LPP: variants seen among roughly 807,000 people sequenced by gnomAD.
The protein encoded by LPP is lipoma-preferred partner.
A neutral mutation model predicts 60.4 loss-of-function variants in LPP; 38 were observed. The observed-to-expected ratio is 0.63, with a 90% CI of 0.49 to 0.83. LPP has a LOEUF of 0.83. Among genes scored for constraint, LPP ranks in the 40% least tolerant of loss-of-function variants. LPP has a pLI of 0.00. For missense variants in LPP, 902 were observed against 783.6 expected, an observed-to-expected ratio of 1.15 and a Z score of -1.80; for synonymous variants, 328 against 290.8, an observed-to-expected ratio of 1.13 and a Z score of -1.30.
intron 5 of LPP, among the ~76,000 whole-genome samples, chr3:188,522,807 A>ATGTG (rs1819286674): frequency 7.5e-6 from 1 of 133,260 alleles, no homozygotes; most frequent in Admixed American, 7.5e-5. Context: ...ATATATATAT[A>ATGTG]TATATATATG....
At chr3:188,197,053 A>T (rs1460701099) in intron 1 of LPP, among the ~76,000 whole-genome samples, 1 of 152,260 alleles carries the variant, frequency 6.6e-6, no homozygotes, top group Non-Finnish European at 1.5e-5. Flanking sequence ...CAAATCAAAA[A>T]TAGGTGTGCA....
At chr3:188,402,335 T>C (rs1782446716) in intron 3 of LPP, among the ~76,000 whole-genome samples, 1 of 152,216 alleles carries the variant, frequency 6.6e-6, no homozygotes, top group South Asian at 2.1e-4. Flanking sequence ...AATTCATTAA[T>C]ATATCAAAAC....
intron 9 of LPP, among the ~76,000 whole-genome samples, chr3:188,776,600 T>C (rs903759024): frequency 6.6e-6 from 1 of 152,196 alleles, no homozygotes; most frequent in Non-Finnish European, 1.5e-5. Flanking sequence ...CAAAATTCCT[T>C]TGTTTTGAAG....
At chr3:188,542,008 A>T (rs1396389148) in intron 6 of LPP, among the ~76,000 whole-genome samples, 1 of 152,174 alleles carries the variant, frequency 6.6e-6, no homozygotes, top group Non-Finnish European at 1.5e-5. Context: ...AACTAATAAA[A>T]ATTTGCATTA....
intron 8 of LPP, among the ~76,000 whole-genome samples, chr3:188,720,562 T>C (rs1216335001): frequency 6.7e-6 from 1 of 149,364 alleles, no homozygotes; most frequent in African/African-American, 2.5e-5. Flanking sequence ...CACCAAAAAT[T>C]GTAAAATACT....
intron 9 of LPP, among the ~76,000 whole-genome samples, chr3:188,781,353 G>C (rs1193190796): frequency 6.6e-6 from 1 of 152,148 alleles, no homozygotes; most frequent in Non-Finnish European, 1.5e-5. Context: ...ACTGGGAGTG[G>C]AGAAAATGAC....
intron 3 of LPP, among the ~76,000 whole-genome samples, chr3:188,346,249 A>ATTTTTTTTTT (rs1764321005): frequency 1.6e-5 from 2 of 124,228 alleles, no homozygotes; most frequent in African/African-American, 7.2e-5. Flanking sequence ...AAAGTAGCAA[A>ATTTTTTTTTT]TCTTTTTTTT....
intron 7 of LPP, among the ~76,000 whole-genome samples, chr3:188,668,778 T>G (rs66537382): frequency 0.011 from 1,609 of 152,302 alleles, 19 homozygotes; most frequent in Non-Finnish European, 0.018. Context: ...AAGTAAAAAA[T>G]ATCAGGAGCA....
Position 188,799,697 on chromosome 3 carries a change from C to T in LPP, c.1410+39415C>T, listed in dbSNP as rs143081615. Reference sequence around the variant, plus strand: ...TTATAGTCTTTATCACAAAAAGGTACGTAAGTGGGGTTCAGAATAGTGTCT... The same window carrying T: ...TTATAGTCTTTATCACAAAAAGGTATGTAAGTGGGGTTCAGAATAGTGTCT... On this transcript the variant is annotated intron_variant, in intron 9 of 11. Coordinates refer to ENST00000617246, the MANE Select transcript of LPP (RefSeq NM_001375462.1). Among the ~76,000 whole-genome samples, 149 of 152,210 alleles carry T rather than the reference C, an allele frequency of 9.8e-4. 1 individual carries two copies. The highest frequency in any genetic ancestry group is 8.2e-3 in the Admixed American group (125 of 15,274).
At chr3:188,523,979 T>C (rs1364266391) in intron 5 of LPP, among the ~76,000 whole-genome samples, 1 of 152,224 alleles carries the variant, frequency 6.6e-6, no homozygotes, top group African/African-American at 2.4e-5. Flanking sequence ...GTTGTTGTCC[T>C]CTACTCTCCT....
chr3:188,166,145 C>A (rs1189429512), intron 1 of LPP, among the ~76,000 whole-genome samples: 4 of 152,058 alleles, frequency 2.6e-5, no homozygotes, highest in Admixed American at 2.6e-4. Context: ...TCTTTAAGAC[C>A]TATCAACCCT....
rs575618440 is a variant in LPP, at chr3:188,563,730, T to C, written c.429+38943T>C. On this transcript the variant is annotated intron_variant, in intron 6 of 11. Transcript: ENST00000617246. ...TGGAATTGCTTGTGTTTTTTTTTGTTTTTTTTTTGTTTTTTTGAGATTATC... is the reference window on the plus strand; with the variant it reads ...TGGAATTGCTTGTGTTTTTTTTTGTCTTTTTTTTGTTTTTTTGAGATTATC... Among the ~76,000 whole-genome samples, 464 of 149,672 alleles carry C rather than the reference T, an allele frequency of 3.1e-3. 1 individual carries two copies. The highest frequency in any genetic ancestry group is 5.3e-3 in the Non-Finnish European group (358 of 67,414).
intron 3 of LPP, among the ~76,000 whole-genome samples, chr3:188,366,130 G>C (rs137893894): frequency 0.02 from 3,064 of 152,284 alleles, 44 homozygotes; most frequent in Non-Finnish European, 0.031. Context: ...GTGAGGTCAC[G>C]CAGTGTTTGT....
intron 4 of LPP, among the ~76,000 whole-genome samples, chr3:188,484,094 C>T (rs2149666845): frequency 6.6e-6 from 1 of 152,204 alleles, no homozygotes; most frequent in African/African-American, 2.4e-5. Context: ...GTCTCTCTAC[C>T]AAGGATGGAC....
Position 188,874,862 on chromosome 3 carries a change from C to T in LPP, c.*383C>T, listed in dbSNP as rs930290330. 1.9e-4 allele frequency: 46 copies of T among 242,820 alleles called. No homozygotes were observed. In the East Asian group the frequency reaches 2.7e-3, roughly 14 times the overall value. The allele number at this position is 242,820 out of a possible 1,614,324, so 15.0% of individuals were successfully genotyped here. A position where few individuals can be genotyped will look rare whatever the true frequency, so the allele number is the denominator to read the frequency against. On this transcript the variant is annotated 3_prime_UTR_variant, in exon 12 of 12. Coordinates refer to ENST00000617246, the MANE Select transcript of LPP (RefSeq NM_001375462.1). ...TTTCCTGGGTGAGTCTGCCAACTCA[C>T]AGGTGCTTTTAGGCTTGAAATCTCC...
intron 7 of LPP, among the ~76,000 whole-genome samples, chr3:188,687,775 CTTT>C (rs61574227): frequency 7.9e-6 from 1 of 127,112 alleles, no homozygotes; most frequent in African/African-American, 3.0e-5. Flanking sequence ...GTCTTATACT[CTTT>C]TTTTTTTTTT....
intron 3 of LPP, among the ~76,000 whole-genome samples, chr3:188,362,773 A>G (rs1033305212): frequency 6.6e-6 from 1 of 152,186 alleles, no homozygotes; most frequent in Non-Finnish European, 1.5e-5. Context: ...ATCTGTTAGA[A>G]TACGTCAGCT....
chr3:188,804,283 A>ATATATATATATATAT (rs1553853277), intron 9 of LPP, among the ~76,000 whole-genome samples: 150 of 126,606 alleles, frequency 1.2e-3, no homozygotes, highest in South Asian at 2.3e-3. Flanking sequence ...ATATATATAT[A>ATATATATATATATAT]AAATGGAATA....
At chr3:188,489,992 G>C (rs913437307) in intron 5 of LPP, among the ~76,000 whole-genome samples, 22 of 152,076 alleles carry the variant, frequency 1.4e-4, no homozygotes, top group Non-Finnish European at 2.8e-4. Context: ...TGTAACTCCA[G>C]GCCCTCCACA....
Sources: gnomAD v4.1 joint callset for allele counts (sites outside exome capture counted in the v4.1 genomes callset) on GRCh38, gnomAD v4.1.1 for gene constraint, MANE v1.5 for transcripts, NCBI Gene and HGNC (gene_info 2026-07-23, HGNC 2026-07-21) for gene names.